Variants in TRDN observed in about 807,000 individuals in gnomAD.
The protein encoded by TRDN is triadin.
In TRDN, 161 loss-of-function variants were observed where a neutral mutation model predicts 149.7. That is an observed-to-expected ratio of 1.08 (90% confidence interval 0.95 to 1.23). The LOEUF (loss-of-function observed/expected upper bound fraction) is 1.23, where lower values mean the gene tolerates loss of function less well. Among genes scored for constraint, TRDN ranks in the 50% most tolerant of loss-of-function variants. The pLI is 0.00. For synonymous variants in TRDN, 294 were observed against 250.5 expected (o/e 1.17, Z -1.64); for missense variants, 896 against 823.5 (o/e 1.09, Z -1.08).
chr6:123,588,809 G>T (rs1783641664), intron 1 of TRDN, among the ~76,000 whole-genome samples: 4 of 152,008 alleles, frequency 2.6e-5, no homozygotes, highest in Admixed American at 2.6e-4. Flanking sequence ...TCTTTTTCTG[G>T]GAATGTTTAA....
At chr6:123,348,276 T>A (rs1269201860) in intron 21 of TRDN, among the ~76,000 whole-genome samples, 2 of 152,134 alleles carry the variant, frequency 1.3e-5, no homozygotes, top group East Asian at 3.8e-4. Flanking sequence ...AGGTAAATGT[T>A]GTGTAGAATA....
At chr6:123,281,972 T>C (rs1041810050) in intron 24 of TRDN, among the ~76,000 whole-genome samples, 3 of 151,666 alleles carry the variant, frequency 2.0e-5, no homozygotes, top group Non-Finnish European at 2.9e-5. Flanking sequence ...GGAAATAGAG[T>C]TTTTGCAGTT....
At chr6:123,589,486 G>A (rs140769738) in intron 1 of TRDN, among the ~76,000 whole-genome samples, 2 of 152,130 alleles carry the variant, frequency 1.3e-5, no homozygotes, top group East Asian at 3.9e-4. Context: ...TTTCAATTTG[G>A]AAAAAAATAC....
intron 4 of TRDN, 81 bp downstream of exon 4, chr6:123,547,259 G>A: frequency 1.2e-6 from 1 of 848,124 alleles, no homozygotes; most frequent in Non-Finnish European, 1.7e-6. Flanking sequence ...ATTAAAATAA[G>A]TAAAATATAT....
intron 20 of TRDN, among the ~76,000 whole-genome samples, chr6:123,353,209 T>C (rs939394654): frequency 6.6e-6 from 1 of 151,860 alleles, no homozygotes; most frequent in South Asian, 2.1e-4. Flanking sequence ...ATTGAAAGAA[T>C]TGATTCAAGA....
chr6:123,386,679 G>C (rs981985823), intron 14 of TRDN, among the ~76,000 whole-genome samples: 2 of 152,112 alleles, frequency 1.3e-5, no homozygotes, highest in African/African-American at 4.8e-5. Context: ...TCCTGATTCC[G>C]CCTAAAGCTG....
At chr6:123,614,029 G>T (rs1210575808) in intron 1 of TRDN, among the ~76,000 whole-genome samples, 1 of 151,960 alleles carries the variant, frequency 6.6e-6, no homozygotes, top group Non-Finnish European at 1.5e-5. Context: ...CCTTTAAGAT[G>T]CTCTAGGATA....
chr6:123,295,577 G>T (rs1420019181), intron 24 of TRDN, among the ~76,000 whole-genome samples: 2 of 152,054 alleles, frequency 1.3e-5, no homozygotes, highest in African/African-American at 4.8e-5. Flanking sequence ...TGAAAAATTG[G>T]TGAGGTGATA....
In TRDN at chr6:123,304,252, CTTT is replaced by C. The variant is rs71649806; in HGVS notation, c.1510+12202_1510+12204del. ...ATGAATATTAATTTTCTTTTATTTT[CTTT>C]TTTTTTTTTTTTTTTTGAGACGGAG... On this transcript the variant is annotated intron_variant, in intron 24 of 40. Transcript: ENST00000334268. Among the ~76,000 whole-genome samples, 537 of 128,966 alleles carry C rather than the reference CTTT, an allele frequency of 4.2e-3. 27 individuals carry two copies. In the East Asian group the frequency reaches 0.081, roughly 20 times the overall value. The allele number at this position is 128,966 out of a possible 152,430, so 84.6% of individuals were successfully genotyped here.
intron 1 of TRDN, among the ~76,000 whole-genome samples, chr6:123,574,893 T>TATATATATAC (rs1554259184): frequency 2.1e-5 from 2 of 94,032 alleles, no homozygotes; most frequent in African/African-American, 1.2e-4. Flanking sequence ...TATATATATA[T>TATATATATAC]ACACACATTT....
At chr6:123,418,180 A>G (rs183873951) in intron 12 of TRDN, among the ~76,000 whole-genome samples, 17 of 152,270 alleles carry the variant, frequency 1.1e-4, no homozygotes, top group Admixed American at 6.5e-4. Flanking sequence ...TGGTTTAGGA[A>G]TACACACCAG....
intron 21 of TRDN, chr6:123,352,019 C>A (rs1201108349): frequency 1.0e-6 from 1 of 977,602 alleles, no homozygotes; most frequent in African/African-American, 1.8e-5. Context: ...ATTTATAACA[C>A]TGAAATTTCA....
chr6:123,319,785 G>T (rs541730989), intron 23 of TRDN, among the ~76,000 whole-genome samples: 4 of 152,108 alleles, frequency 2.6e-5, no homozygotes, highest in Admixed American at 6.6e-5. Flanking sequence ...AGTTGTTGAG[G>T]CAGGCAGCCT....
chr6:123,509,696 C>T (rs2114850586), intron 7 of TRDN: 1 of 152,190 alleles, frequency 6.6e-6, no homozygotes, highest in South Asian at 2.1e-4. Flanking sequence ...AAGCCATGCC[C>T]AGATTCTTGA....
Position 123,497,174 on chromosome 6 carries a change from C to T in TRDN, c.853+19G>A, listed in dbSNP as rs758444258. The T allele has an allele frequency of 8.5e-6, 13 of 1,523,736 alleles. No homozygotes were observed. Among genetic ancestry groups the T allele is most frequent in the Non-Finnish European group, 1.1e-5 (13 of 1,135,272 alleles). The allele number at this position is 1,523,736 out of a possible 1,614,324, so 94.4% of individuals were successfully genotyped here. On this transcript the variant is annotated intron_variant, in intron 9 of 40. Coordinates refer to ENST00000334268, the MANE Select transcript of TRDN (RefSeq NM_006073.4). ...CAAAGACTATTAAAACAGACAAGTA[C>T]AAGAATTGCTTGGAATACCTGGTTT... is the stretch of plus-strand genomic sequence containing the variant.
chr6:123,545,654 A>G (rs979525854), intron 4 of TRDN, among the ~76,000 whole-genome samples: 2 of 151,948 alleles, frequency 1.3e-5, no homozygotes, highest in African/African-American at 2.4e-5. Flanking sequence ...CTTTAAGGAC[A>G]TTAGTGCACA....
intron 2 of TRDN, among the ~76,000 whole-genome samples, chr6:123,551,501 CTTT>C (rs1476584747): frequency 1.3e-5 from 2 of 151,662 alleles, no homozygotes; most frequent in Admixed American, 6.6e-5. Context: ...TTATTGATGT[CTTT>C]TTTTAAGAAG....
intron 40 of TRDN, among the ~76,000 whole-genome samples, chr6:123,219,328 A>G (rs1713382191): frequency 6.6e-6 from 1 of 151,796 alleles, no homozygotes; most frequent in Admixed American, 6.6e-5. Flanking sequence ...GTGTGGTGCA[A>G]GTAAGGACTC....
At chr6:123,256,107 A>G (rs1776549389) in intron 35 of TRDN, among the ~76,000 whole-genome samples, 1 of 151,940 alleles carries the variant, frequency 6.6e-6, no homozygotes, top group Non-Finnish European at 1.5e-5. Context: ...ACCCTCAGAG[A>G]GGCCCCAATG....
Sources: gnomAD v4.1 joint callset for allele counts (sites outside exome capture counted in the v4.1 genomes callset) on GRCh38, gnomAD v4.1.1 for gene constraint, MANE v1.5 for transcripts, NCBI Gene and HGNC (gene_info 2026-07-23, HGNC 2026-07-21) for gene names.